The following PLXDC2 variants were observed in gnomAD, a reference collection of about 807,000 sequenced individuals.
PLXDC2 encodes the protein plexin domain containing 2.
A neutral mutation model predicts 68.9 loss-of-function variants in PLXDC2; 40 were observed. The observed-to-expected ratio is 0.58, with a 90% confidence interval of 0.45 to 0.76. The LOEUF (loss-of-function observed/expected upper bound fraction) is 0.76, where lower values mean the gene tolerates loss of function less well. PLXDC2 is among the 30% of genes least tolerant of loss of function. The pLI is 0.00. For synonymous variants in PLXDC2, 243 were observed against 234.2 expected (o/e 1.04, Z -0.34); for missense variants, 644 against 661.9 (o/e 0.97, Z 0.30).
chr10:19,976,794 C>G (rs990682649), intron 1 of PLXDC2, among the ~76,000 whole-genome samples: 7 of 151,120 alleles, frequency 4.6e-5, no homozygotes, highest in Non-Finnish European at 1.0e-4. Context: ...GTTCTGAGGC[C>G]TTCTGGAATA....
chr10:20,155,557 A>G (rs1834206177), intron 6 of PLXDC2, among the ~76,000 whole-genome samples: 1 of 152,186 alleles, frequency 6.6e-6, no homozygotes, highest in East Asian at 1.9e-4. Context: ...AAATAATTCT[A>G]AGGAAAATGT....
At chr10:19,946,641 G>A (rs1288715860) in intron 1 of PLXDC2, among the ~76,000 whole-genome samples, 2 of 151,986 alleles carry the variant, frequency 1.3e-5, no homozygotes, top group African/African-American at 4.8e-5. Context: ...TTCCGTGGAC[G>A]GGGCGAGGGA....
intron 2 of PLXDC2, among the ~76,000 whole-genome samples, chr10:20,038,521 T>A (rs1056102697): frequency 1.3e-5 from 2 of 152,186 alleles, no homozygotes; most frequent in African/African-American, 4.8e-5. Flanking sequence ...CATGTAATTG[T>A]TCTTAGTATC....
intron 2 of PLXDC2, among the ~76,000 whole-genome samples, chr10:20,029,495 T>C (rs772341958): frequency 1.3e-5 from 2 of 152,168 alleles, no homozygotes; most frequent in East Asian, 1.9e-4. Flanking sequence ...TTTCTTGGGG[T>C]CTTTCCAGCT....
chr10:19,884,018 T>C (rs1233655092), intron 1 of PLXDC2, among the ~76,000 whole-genome samples: 1 of 149,078 alleles, frequency 6.7e-6, no homozygotes, highest in Non-Finnish European at 1.5e-5. Context: ...TCAGCCTCCA[T>C]GTAGCCAGGG....
intron 1 of PLXDC2, among the ~76,000 whole-genome samples, chr10:19,966,981 T>C (rs1834274029): frequency 6.6e-6 from 1 of 152,172 alleles, no homozygotes; most frequent in African/African-American, 2.4e-5. Flanking sequence ...TGCCCAGACG[T>C]AAATCCCAGC....
At chr10:20,255,555 C>A (rs1405623324) in intron 13 of PLXDC2, among the ~76,000 whole-genome samples, 1 of 152,050 alleles carries the variant, frequency 6.6e-6, no homozygotes, top group East Asian at 1.9e-4. Flanking sequence ...AAAATTAATT[C>A]ATTCAATTAC....
At chr10:20,039,343 C>A (rs1167392419) in intron 2 of PLXDC2, among the ~76,000 whole-genome samples, 1 of 152,136 alleles carries the variant, frequency 6.6e-6, no homozygotes, top group Non-Finnish European at 1.5e-5. Context: ...TATTTTACGG[C>A]ATTTCTTTTA....
At chr10:20,151,090 G>A (rs1170872764) in intron 6 of PLXDC2, among the ~76,000 whole-genome samples, 1 of 152,108 alleles carries the variant, frequency 6.6e-6, no homozygotes, top group Non-Finnish European at 1.5e-5. Flanking sequence ...ATACAAAGCA[G>A]TTTCTACTTT....
chr10:19,964,768 C>G lies in PLXDC2; in HGVS notation c.113-37007C>G, dbSNP rs143490223. ...TTTTTTTTTCTTCACTATCTCCTAA[C>G]CTTAGCAGAGTGCCTGGTTAATAAC... On this transcript the variant is annotated intron_variant, in intron 1 of 13. Transcript: ENST00000377252. Among the ~76,000 whole-genome samples, 596 of 152,038 alleles carry G rather than the reference C, an allele frequency of 3.9e-3. 7 individuals carry two copies. Among genetic ancestry groups the G allele is most frequent in the African/African-American group, 0.013 (546 of 41,454 alleles).
At chr10:19,905,473 G>T (rs752807686) in intron 1 of PLXDC2, among the ~76,000 whole-genome samples, 1 of 152,136 alleles carries the variant, frequency 6.6e-6, no homozygotes, top group Non-Finnish European at 1.5e-5. Flanking sequence ...GGGTTCTCTT[G>T]TAAGAGACCC....
intron 1 of PLXDC2, among the ~76,000 whole-genome samples, chr10:19,817,744 C>G (rs552929691): frequency 2.0e-5 from 3 of 152,186 alleles, no homozygotes; most frequent in African/African-American, 7.2e-5. Flanking sequence ...GGGGTAAATG[C>G]GGCCGGCGCA....
At chr10:19,948,102 AT>A (rs1165130053) in intron 1 of PLXDC2, among the ~76,000 whole-genome samples, 1 of 152,200 alleles carries the variant, frequency 6.6e-6, no homozygotes. Flanking sequence ...TGTGAAATGG[AT>A]TTTTAAATTC....
chr10:19,952,660 C>T (rs1237469880), intron 1 of PLXDC2, among the ~76,000 whole-genome samples: 1 of 152,104 alleles, frequency 6.6e-6, no homozygotes, highest in Non-Finnish European at 1.5e-5. Flanking sequence ...ATCTGAATTT[C>T]TAAAATGATT....
At chr10:19,828,357 A>G (rs914859569) in intron 1 of PLXDC2, among the ~76,000 whole-genome samples, 1 of 152,180 alleles carries the variant, frequency 6.6e-6, no homozygotes. Flanking sequence ...AGACAATAGA[A>G]TTTATTATTT....
In PLXDC2 at chr10:20,221,495, CT is replaced by C. The variant is rs143088982; in HGVS notation, c.1312+2397del. On this transcript the variant is annotated intron_variant, in intron 12 of 13. Coordinates refer to ENST00000377252, the MANE Select transcript of PLXDC2 (RefSeq NM_032812.9). The stretch of plus-strand genomic sequence containing the variant: ...TATATCTATGGTTGTTAACAAAGCA[CT>C]TTTCCTGAAAACATTCAAGTGCAGT... Among the ~76,000 whole-genome samples, 469 of 152,290 alleles carry C rather than the reference CT, an allele frequency of 3.1e-3. 1 individual carries two copies. Among genetic ancestry groups the C allele is most frequent in the African/African-American group, 0.011 (449 of 41,556 alleles).
chr10:20,095,011 G>GT (rs1402950985), intron 4 of PLXDC2, among the ~76,000 whole-genome samples: 1 of 152,176 alleles, frequency 6.6e-6, no homozygotes, highest in Non-Finnish European at 1.5e-5. Context: ...TAATAGAAAT[G>GT]TAATGTGGTC....
At chr10:19,941,463 G>A (rs1415834574) in intron 1 of PLXDC2, among the ~76,000 whole-genome samples, 2 of 152,184 alleles carry the variant, frequency 1.3e-5, no homozygotes, top group Non-Finnish European at 2.9e-5. Flanking sequence ...GATATGATGG[G>A]CAGAGCATTT....
At chr10:19,847,274 G>A (rs1049385099) in intron 1 of PLXDC2, among the ~76,000 whole-genome samples, 1 of 152,160 alleles carries the variant, frequency 6.6e-6, no homozygotes, top group African/African-American at 2.4e-5. Context: ...TTTGTTTAGA[G>A]GGTAGAGAAA....
Sources: allele counts gnomAD v4.1 joint callset (sites outside exome capture counted in the v4.1 genomes callset), GRCh38; gene constraint gnomAD v4.1.1; transcripts MANE v1.5; gene names NCBI Gene and HGNC (gene_info 2026-07-23, HGNC 2026-07-21).